Variants in PTPRD observed in about 807,000 individuals in gnomAD.
PTPRD encodes the protein receptor-type tyrosine-protein phosphatase delta.
In PTPRD, 34 loss-of-function variants were observed where a neutral mutation model predicts 214.5. The ratio of observed to expected loss-of-function variants is 0.16; its 90% CI spans 0.12 to 0.21. The LOEUF (loss-of-function observed/expected upper bound fraction) is 0.21. Among genes scored for constraint, PTPRD ranks in the 10% least tolerant of loss-of-function variants. PTPRD has a pLI of 1.00. For missense variants in PTPRD, 2,545 were observed against 2,398.7 expected (o/e 1.06, Z -1.27); for synonymous variants, 1,128 against 845.7 (o/e 1.33, Z -5.79).
At chr9:8,842,189 G>T (rs1222108976) in intron 11 of PTPRD, among the ~76,000 whole-genome samples, 1 of 152,060 alleles carries the variant, frequency 6.6e-6, no homozygotes. Context: ...TGTAGGAGGT[G>T]ACAGAAATTT....
chr9:9,202,001 C>T (rs1338855939), intron 9 of PTPRD, among the ~76,000 whole-genome samples: 1 of 152,246 alleles, frequency 6.6e-6, no homozygotes, highest in East Asian at 1.9e-4. Flanking sequence ...TAAAGATGGA[C>T]ACGAACTTTT....
At chr9:8,782,194 A>G (rs991179825) in intron 11 of PTPRD, among the ~76,000 whole-genome samples, 2 of 150,666 alleles carry the variant, frequency 1.3e-5, no homozygotes, top group African/African-American at 5.0e-5. Flanking sequence ...ATGTGTACAT[A>G]TACAAAATAT....
intron 20 of PTPRD, among the ~76,000 whole-genome samples, chr9:8,520,201 A>G (rs2097860689): frequency 6.6e-6 from 1 of 152,184 alleles, no homozygotes; most frequent in African/African-American, 2.4e-5. Flanking sequence ...TGTACAGTAC[A>G]GGTTTTATGT....
At chr9:10,607,776 A>G (rs777885494) in intron 2 of PTPRD, among the ~76,000 whole-genome samples, 1 of 152,028 alleles carries the variant, frequency 6.6e-6, no homozygotes, top group Non-Finnish European at 1.5e-5. Flanking sequence ...AAAAGCAAGC[A>G]TTTAAAATTA....
At chr9:8,355,404 CTT>C (rs1287235236) in intron 39 of PTPRD, among the ~76,000 whole-genome samples, 2 of 141,750 alleles carry the variant, frequency 1.4e-5, no homozygotes, top group Non-Finnish European at 3.2e-5. Flanking sequence ...AGCTCTATCT[CTT>C]TTAGAATATT....
At chr9:10,087,354 T>C (rs1291163554) in intron 3 of PTPRD, among the ~76,000 whole-genome samples, 1 of 151,680 alleles carries the variant, frequency 6.6e-6, no homozygotes, top group African/African-American at 2.4e-5. Flanking sequence ...ATTTTGAATT[T>C]ACATAAAAGT....
chr9:8,373,792 G>T (rs1486305990), intron 39 of PTPRD, among the ~76,000 whole-genome samples: 1 of 150,164 alleles, frequency 6.7e-6, no homozygotes, highest in African/African-American at 2.4e-5. Flanking sequence ...AGGGTGAAAT[G>T]CATTTTAAAA....
chr9:8,722,168 CAGAGAG>C (rs2098507666), intron 12 of PTPRD, among the ~76,000 whole-genome samples: 3 of 119,286 alleles, frequency 2.5e-5, no homozygotes, highest in African/African-American at 9.3e-5. Flanking sequence ...TGTGTGTGTA[CAGAGAG>C]AAAGAACAGA....
intron 10 of PTPRD, among the ~76,000 whole-genome samples, chr9:9,110,263 G>A (rs537111215): frequency 4.8e-4 from 73 of 152,152 alleles, no homozygotes; most frequent in South Asian, 2.7e-3. Flanking sequence ...CCCAGCACAC[G>A]TCTTTAGGTC....
intron 5 of PTPRD, among the ~76,000 whole-genome samples, chr9:9,774,333 T>A (rs2098778989): frequency 1.3e-5 from 2 of 152,194 alleles, no homozygotes; most frequent in African/African-American, 2.4e-5. Flanking sequence ...TTTACATACA[T>A]TCACATTTTA....
intron 7 of PTPRD, among the ~76,000 whole-genome samples, chr9:9,616,888 G>T (rs2094904156): frequency 6.6e-6 from 1 of 152,138 alleles, no homozygotes; most frequent in South Asian, 2.1e-4. Flanking sequence ...TGTTTGTTAT[G>T]ATTTCCATTC....
intron 4 of PTPRD, among the ~76,000 whole-genome samples, chr9:9,998,893 T>C (rs1379990470): frequency 1.3e-5 from 2 of 152,214 alleles, no homozygotes; most frequent in Admixed American, 6.5e-5. Flanking sequence ...TTACCATCAA[T>C]GGATCTCCAG....
intron 3 of PTPRD, among the ~76,000 whole-genome samples, chr9:10,208,499 G>T (rs1289677062): frequency 6.6e-6 from 1 of 152,250 alleles, no homozygotes; most frequent in Non-Finnish European, 1.5e-5. Flanking sequence ...GGGCGACAGA[G>T]CGAGACTGCG....
At chr9:8,504,176 G>T (rs983481901) in intron 23 of PTPRD, 85 bp downstream of exon 23, 2 of 1,351,826 alleles carry the variant, frequency 1.5e-6, no homozygotes, top group East Asian at 2.3e-5. Context: ...CATATTAGCA[G>T]GTTTGCTTAT....
intron 9 of PTPRD, among the ~76,000 whole-genome samples, chr9:9,226,414 C>T (rs1158148662): frequency 6.6e-6 from 1 of 151,814 alleles, no homozygotes; most frequent in East Asian, 1.9e-4. Context: ...CTCACTTTTT[C>T]CTTACTGTTA....
intron 11 of PTPRD, among the ~76,000 whole-genome samples, chr9:8,992,935 G>C (rs964899330): frequency 3.3e-5 from 5 of 151,960 alleles, no homozygotes; most frequent in African/African-American, 1.2e-4. Flanking sequence ...GCTGATTTTG[G>C]TTTGCAATTT....
At chr9:9,432,019 T>G (rs1202096151) in intron 8 of PTPRD, among the ~76,000 whole-genome samples, 1 of 149,628 alleles carries the variant, frequency 6.7e-6, no homozygotes, top group Non-Finnish European at 1.5e-5. Context: ...AACCTGCATG[T>G]TGTGTACATG....
intron 5 of PTPRD, among the ~76,000 whole-genome samples, chr9:9,784,848 G>T (rs1020592142): frequency 6.9e-6 from 1 of 145,546 alleles, no homozygotes; most frequent in African/African-American, 2.5e-5. Context: ...TCTTAATAAT[G>T]TATTATATAT....
At chr9:10,487,493 G>C (rs957956865) in intron 2 of PTPRD, among the ~76,000 whole-genome samples, 1 of 151,942 alleles carries the variant, frequency 6.6e-6, no homozygotes, top group African/African-American at 2.4e-5. Context: ...TTTACCATGA[G>C]GCTTGCAAAT....
Sources: allele counts gnomAD v4.1 joint callset (sites outside exome capture counted in the v4.1 genomes callset), GRCh38; gene constraint gnomAD v4.1.1; transcripts MANE v1.5; gene names NCBI Gene and HGNC (gene_info 2026-07-23, HGNC 2026-07-21).